RIOK3: variants seen among roughly 807,000 people sequenced by gnomAD.
RIOK3 encodes RIO kinase 3.
In RIOK3, 40 loss-of-function variants were observed where a neutral mutation model predicts 63.5. The observed-to-expected ratio is 0.63, with a 90% CI of 0.49 to 0.82. RIOK3 has a LOEUF of 0.82. Among genes scored for constraint, RIOK3 ranks in the 40% least tolerant of loss-of-function variants. RIOK3 has a pLI of 0.00. For synonymous variants in RIOK3, 193 were observed against 205.0 expected, an observed-to-expected ratio of 0.94 and a Z score of 0.50; for missense variants, 557 against 637.0, an observed-to-expected ratio of 0.87 and a Z score of 1.35.
chr18:23,466,094 A>G, intron 5 of RIOK3, 39 bp from the exon 6 acceptor site: 8 of 1,515,312 alleles, frequency 5.3e-6, no homozygotes, highest in Non-Finnish European at 7.1e-6. Flanking sequence ...AACTGTCCCT[A>G]TTTTAAAATA....
At chr18:23,476,827 G>A (rs1194264607) in intron 9 of RIOK3, among the ~76,000 whole-genome samples, 179 bp from the exon 10 acceptor site, 1 of 152,120 alleles carries the variant, frequency 6.6e-6, no homozygotes, top group African/African-American at 2.4e-5. Flanking sequence ...CAGGAGAATG[G>A]TGTGAACCAG....
chr18:23,473,592 A>T lies in RIOK3; in HGVS notation c.979A>T (p.Met327Leu). 1 of 1,613,674 alleles carries T rather than the reference A, an allele frequency of 6.2e-7. No individual in the cohort carries two copies. Among genetic ancestry groups the T allele is most frequent in the Non-Finnish European group, 8.5e-7 (1 of 1,179,732 alleles). ...ACTAAATCCACGTAAGATCATCCGCATGTGGGCAGAAAAAGAAATGCACAA... is the reference window on the plus strand; with the variant it reads ...ACTAAATCCACGTAAGATCATCCGCTTGTGGGCAGAAAAAGAAATGCACAA... ...SKLNPRKIIR[M>L]WAEKEMHNLA... The change falls in exon 8 of 13, where the codon ATG becomes TTG. Residue 327 changes from methionine to leucine, a missense_variant. Around this residue, in one of 3 missense-constraint regions of RIOK3, gnomAD observed 309 missense variants for 338.7 expected, o/e 0.91. Transcript: ENST00000339486.
intron 6 of RIOK3, 117 bp from the exon 7 acceptor site, chr18:23,467,282 C>G (rs2057415739): frequency 3.6e-6 from 3 of 827,102 alleles, no homozygotes; most frequent in Admixed American, 2.6e-5. Flanking sequence ...CCATTGTACT[C>G]TAGCCTGGGT....
At chr18:23,478,606 CATATATAT>C (rs67305895) in intron 11 of RIOK3, among the ~76,000 whole-genome samples, 86 of 130,920 alleles carry the variant, frequency 6.6e-4, no homozygotes, top group African/African-American at 1.9e-3. Context: ...AAAAACAAAA[CATATATAT>C]ATATATATAT....
intron 7 of RIOK3, 114 bp downstream of exon 7, chr18:23,467,640 A>C: frequency 9.6e-7 from 1 of 1,041,996 alleles, no homozygotes; most frequent in Non-Finnish European, 1.4e-6. Flanking sequence ...GTAATTTTTA[A>C]AGTGTTATTG....
intron 11 of RIOK3, 57 bp downstream of exon 11, chr18:23,477,325 T>C (rs1264107467): frequency 1.5e-6 from 2 of 1,302,748 alleles, no homozygotes; most frequent in African/African-American, 1.5e-5. Context: ...GCAGGTATTT[T>C]TCTCACTCCT....
rs772694647 is a variant in RIOK3 at position 23,481,260 on chromosome 18, C to T, written c.1541C>T (p.Pro514Leu). ...ASFLKDDGDP[P>L]LLYDE is the part of the protein sequence containing the mutation. ...TTTTTGAAAGATGATGGAGACCCAC[C>T]ACTACTATATGATGAATAGCACTAA... Residue 514 changes from proline to leucine, a missense_variant, in exon 13 of 13, where the codon CCA becomes CTA. Transcript: ENST00000339486. 1.9e-6 allele frequency: 3 copies of T among 1,603,754 alleles called. No homozygotes were observed. Among genetic ancestry groups the T allele is most frequent in the Non-Finnish European group, 1.7e-6 (2 of 1,172,432 alleles).
intron 7 of RIOK3, 80 bp downstream of exon 7, chr18:23,467,606 A>G: frequency 1.5e-6 from 2 of 1,352,608 alleles, no homozygotes; most frequent in Non-Finnish European, 2.1e-6. Flanking sequence ...ACAGAATCAA[A>G]GATAATGCTG....
intron 6 of RIOK3, among the ~76,000 whole-genome samples, chr18:23,466,792 A>G (rs1449711015): frequency 1.3e-5 from 2 of 151,508 alleles, no homozygotes; most frequent in Non-Finnish European, 2.9e-5. Context: ...GGAGTTCAAG[A>G]CCAGCCTGGG....
intron 7 of RIOK3, among the ~76,000 whole-genome samples, chr18:23,470,844 T>C (rs1201688973): frequency 6.6e-6 from 1 of 152,208 alleles, no homozygotes; most frequent in Non-Finnish European, 1.5e-5. Context: ...CCTAGAGACC[T>C]TCCAAGTAAG....
At chr18:23,465,418 G>A (rs1484519691) in intron 5 of RIOK3, among the ~76,000 whole-genome samples, 4 of 151,954 alleles carry the variant, frequency 2.6e-5, no homozygotes, top group African/African-American at 9.7e-5. Context: ...CATAAATATT[G>A]TGGTTAATAT....
chr18:23,479,587 T>C (rs997161101), intron 12 of RIOK3, among the ~76,000 whole-genome samples, 163 bp downstream of exon 12: 3 of 152,054 alleles, frequency 2.0e-5, no homozygotes, highest in African/African-American at 7.2e-5. Context: ...TTTTTTCTTT[T>C]TTTTTTTGAG....
intron 6 of RIOK3, among the ~76,000 whole-genome samples, chr18:23,466,853 T>C (rs2057412006): frequency 6.6e-6 from 1 of 151,048 alleles, no homozygotes; most frequent in Non-Finnish European, 1.5e-5. Context: ...TTTTAAAAAA[T>C]TAGCCGGGCA....
In RIOK3 at chr18:23,477,869, A is replaced by C. The variant is rs1170208766; in HGVS notation, c.1344+601A>C. Among the ~76,000 whole-genome samples, 4 of 152,050 alleles carry C rather than the reference A, an allele frequency of 2.6e-5. No homozygotes were observed. The East Asian group carries it at 5.8e-4, about 22-fold the overall frequency. On this transcript the variant is annotated intron_variant, in intron 11 of 12. Coordinates refer to ENST00000339486, the MANE Select transcript of RIOK3 (RefSeq NM_003831.5). ...TGGATCACCTGAGGTCAGGAGTTCA[A>C]GACCAGCCCGGCCAACATGGTGAAA... is the stretch of plus-strand genomic sequence containing the variant.
rs886187341 is a variant in RIOK3 at position 23,463,085 on chromosome 18, T to C, written c.179+6T>C. 3 of 1,559,578 alleles carry C rather than the reference T, an allele frequency of 1.9e-6. No individual in the cohort carries two copies. Among genetic ancestry groups the C allele is most frequent in the African/African-American group, 1.4e-5 (1 of 73,286 alleles). ...GCCGTTTTTCCTGAAGTTGCGTAAG[T>C]AAAATTCACAAATACTTTATCTAGC... On this transcript the variant is annotated splice_donor_region_variant and intron_variant, in intron 2 of 12. Transcript: ENST00000339486.
At chr18:23,463,203 CA>C (rs1157818868) in intron 2 of RIOK3, 124 bp downstream of exon 2, 3 of 561,472 alleles carry the variant, frequency 5.3e-6, no homozygotes, top group Non-Finnish European at 9.4e-6. Context: ...ATTGAGAGTC[CA>C]GTGATACTTG....
chr18:23,469,091 C>G (rs1477804817), intron 7 of RIOK3, among the ~76,000 whole-genome samples: 1 of 152,190 alleles, frequency 6.6e-6, no homozygotes, highest in East Asian at 1.9e-4. Context: ...CTCACACTTT[C>G]AAAGCCAGCA....
Position 23,453,363 on chromosome 18 carries a change from C to T in RIOK3, c.-77C>T. 4.9e-6 allele frequency: 6 copies of T among 1,237,086 alleles called. No homozygotes were observed. The highest frequency in any genetic ancestry group is 7.1e-6 in the Non-Finnish European group (6 of 841,614). The allele number at this position is 1,237,086 out of a possible 1,614,324, so 76.6% of individuals were successfully genotyped here. ...CATCAGCAGCCAGTCGCCCGTGTCC[C>T]GCCTGTCTCCTCGGCGGAGCCTGCT... On this transcript the variant is annotated 5_prime_UTR_variant, in exon 1 of 13. Transcript: ENST00000339486.
Position 23,477,248 on chromosome 18 carries a change from G to T in RIOK3, c.1324G>T (p.Asp442Tyr). ...TCACGGCCTGGAGTTCTTGTTCCGGGACTGCAGGAATGTCTCGCAGGTAGA... is the reference window on the plus strand; with the variant it reads ...TCACGGCCTGGAGTTCTTGTTCCGGTACTGCAGGAATGTCTCGCAGGTAGA... Reference protein sequence around the residue: ...HPHGLEFLFRDCRNVSQFFQK... With the variant: ...HPHGLEFLFRYCRNVSQFFQK... The change falls in exon 11 of 13, where the codon GAC becomes TAC. Residue 442 changes from aspartate (D) to tyrosine (Y), a missense_variant. Physicochemically the swap from Asp to Tyr is radical, Grantham distance 160. This residue lies in a region of RIOK3 where 309 missense variants were observed against 338.7 expected (regional missense o/e 0.91). Transcript: ENST00000339486. 6.2e-7 allele frequency: 1 copy of T among 1,614,086 alleles called. No homozygotes were observed. The highest frequency in any genetic ancestry group is 2.2e-5 in the East Asian group (1 of 44,892).
Sources: allele counts gnomAD v4.1 joint callset (sites outside exome capture counted in the v4.1 genomes callset), GRCh38; gene constraint gnomAD v4.1.1; regional missense constraint gnomAD v4.1.1; transcripts MANE v1.5; gene names NCBI Gene and HGNC (gene_info 2026-07-23, HGNC 2026-07-21).